WDR25: variants seen among roughly 807,000 people sequenced by gnomAD.
WDR25 encodes the protein WD repeat-containing protein 25.
In WDR25, 35 loss-of-function variants were observed where a neutral mutation model predicts 47.7. That is an observed-to-expected ratio of 0.73 (90% confidence interval 0.56 to 0.97). The LOEUF is 0.97. WDR25 is among the 50% of genes least tolerant of loss of function. The pLI, the probability that WDR25 is intolerant of heterozygous loss-of-function variation, is 0.00. For missense variants in WDR25, 634 were observed against 704.7 expected, an observed-to-expected ratio of 0.90 and a Z score of 1.14; for synonymous variants, 248 against 278.9, an observed-to-expected ratio of 0.89 and a Z score of 1.10.
chr14:100,496,299 G>A (rs1466944424), intron 4 of WDR25, among the ~76,000 whole-genome samples: 1 of 152,144 alleles, frequency 6.6e-6, no homozygotes, highest in Non-Finnish European at 1.5e-5. Flanking sequence ...TACATACACT[G>A]ATTTGTAATA....
chr14:100,475,845 A>G (rs1292140926), intron 3 of WDR25, among the ~76,000 whole-genome samples: 1 of 152,086 alleles, frequency 6.6e-6, no homozygotes, highest in East Asian at 1.9e-4. Context: ...AAATCTTTCT[A>G]CAATGTATAT....
At chr14:100,448,317 G>A (rs1898908262) in intron 2 of WDR25, among the ~76,000 whole-genome samples, 1 of 152,084 alleles carries the variant, frequency 6.6e-6, no homozygotes, top group African/African-American at 2.4e-5. Flanking sequence ...GAAAAATACT[G>A]TGGAAACTGC....
chr14:100,468,033 G>A lies in WDR25; in HGVS notation c.835G>A (p.Val279Met), dbSNP rs1381347845. ...TGTTTGCCTGCAGGTATGGAACGCC[G>A]TGGACTCCGGGCACTGCCTGCAGAC... ...MDKTFKVWNA[V>M]DSGHCLQTYS... Residue 279 changes from valine (V) to methionine (M), a missense_variant, in exon 3 of 7, where the codon GTG (valine) becomes ATG (methionine). Val to Met is a conservative substitution (Grantham distance 21, BLOSUM62 1). Transcript: ENST00000402312. This position sits in a 1 kb window ranked among gnomAD's most constrained non-coding sequence, Gnocchi z 4.5. 47 of 1,612,798 alleles carry A rather than the reference G, an allele frequency of 2.9e-5. No homozygotes were observed. Among genetic ancestry groups the A allele is most frequent in the Non-Finnish European group, 3.9e-5 (46 of 1,180,036 alleles).
At chr14:100,382,779 A>G (rs114377410) in intron 2 of WDR25, among the ~76,000 whole-genome samples, 1,930 of 152,350 alleles carry the variant, frequency 0.013, 42 homozygotes, top group African/African-American at 0.044. Flanking sequence ...CTGGCTTCAC[A>G]TCCAGCTTTG....
At chr14:100,441,138 T>C (rs1377515295) in intron 2 of WDR25, among the ~76,000 whole-genome samples, 1 of 152,126 alleles carries the variant, frequency 6.6e-6, no homozygotes, top group African/African-American at 2.4e-5. Context: ...CTGGCTTAGG[T>C]TTCCAGAACA....
chr14:100,455,062 G>A (rs1243624265), intron 2 of WDR25: 2 of 152,204 alleles, frequency 1.3e-5, no homozygotes, highest in African/African-American at 2.4e-5. Context: ...CAAGAGAAAG[G>A]CCATCAAAGG....
chr14:100,400,569 T>C (rs1897355120), intron 2 of WDR25, among the ~76,000 whole-genome samples: 1 of 152,254 alleles, frequency 6.6e-6, no homozygotes, highest in Non-Finnish European at 1.5e-5. Flanking sequence ...TTACTGTGCT[T>C]CTGGGTATCC....
At chr14:100,479,045 A>G (rs2140312312) in intron 3 of WDR25, among the ~76,000 whole-genome samples, 1 of 151,996 alleles carries the variant, frequency 6.6e-6, no homozygotes, top group East Asian at 1.9e-4. Flanking sequence ...CCTTGTGGGG[A>G]GAAAGAGTTT....
At chr14:100,493,323 A>G (rs1355366997) in intron 4 of WDR25, among the ~76,000 whole-genome samples, 1 of 151,652 alleles carries the variant, frequency 6.6e-6, no homozygotes, top group Non-Finnish European at 1.5e-5. Flanking sequence ...CCATAAATCT[A>G]CTCTGTCTGT....
chr14:100,468,182 G>A lies in WDR25; in HGVS notation c.970+14G>A, dbSNP rs2140296979. ...ACCTTGAAACAGGTGCGTTTCTTGTGTCACCTCCCTGAGGTGAGCTGGCAG... is the reference window on the plus strand; with the variant it reads ...ACCTTGAAACAGGTGCGTTTCTTGTATCACCTCCCTGAGGTGAGCTGGCAG... On this transcript the variant is annotated intron_variant, in intron 3 of 6. Coordinates refer to ENST00000402312, the MANE Select transcript of WDR25 (RefSeq NM_001161476.3). The surrounding 1 kb of genome is among the most constrained non-coding windows in gnomAD (Gnocchi z 4.5). The A allele has an allele frequency of 6.2e-7, 1 of 1,608,000 alleles. No individual in the cohort carries two copies. Among genetic ancestry groups the A allele is most frequent in the South Asian group, 1.1e-5 (1 of 90,650 alleles).
chr14:100,383,755 G>C (rs779486992), intron 2 of WDR25, among the ~76,000 whole-genome samples: 2 of 152,230 alleles, frequency 1.3e-5, no homozygotes, highest in African/African-American at 2.4e-5. Context: ...TTGTGGAGTA[G>C]ACAAATGTGC....
At chr14:100,377,640 A>T (rs1896745600) in intron 1 of WDR25, among the ~76,000 whole-genome samples, 2 of 151,092 alleles carry the variant, frequency 1.3e-5, no homozygotes, top group Non-Finnish European at 2.9e-5. Flanking sequence ...TTGCGTGTGG[A>T]AGTTGTTACC....
intron 2 of WDR25, among the ~76,000 whole-genome samples, chr14:100,414,820 C>T (rs933673636): frequency 1.3e-5 from 2 of 151,196 alleles, no homozygotes; most frequent in African/African-American, 2.4e-5. Flanking sequence ...AGGAGAATCG[C>T]GTGAACCCGG....
intron 2 of WDR25, among the ~76,000 whole-genome samples, chr14:100,443,424 T>G (rs1898728947): frequency 6.6e-6 from 1 of 151,124 alleles, no homozygotes; most frequent in Non-Finnish European, 1.5e-5. Context: ...CCTAACACCG[T>G]TTCTGTTTAT....
chr14:100,423,431 A>G (rs887698664), intron 2 of WDR25, among the ~76,000 whole-genome samples: 8 of 152,146 alleles, frequency 5.3e-5, no homozygotes, highest in African/African-American at 1.9e-4. Context: ...GACACACCTT[A>G]TTCCGATCGT....
At chr14:100,528,357 C>T (rs1595092794) in intron 5 of WDR25, among the ~76,000 whole-genome samples, 1 of 152,158 alleles carries the variant, frequency 6.6e-6, no homozygotes, top group Admixed American at 6.5e-5. Context: ...CTGCATCTCT[C>T]CAGCCCTCCA....
At chr14:100,465,833 A>G (rs545840148) in intron 2 of WDR25, among the ~76,000 whole-genome samples, 67 of 152,374 alleles carry the variant, frequency 4.4e-4, no homozygotes, top group African/African-American at 1.6e-3. Flanking sequence ...AGCAGTGGAC[A>G]AGGGTTCCAG....
intron 1 of WDR25, among the ~76,000 whole-genome samples, chr14:100,379,607 T>G (rs1896824218): frequency 6.6e-6 from 1 of 152,050 alleles, no homozygotes; most frequent in South Asian, 2.1e-4. Flanking sequence ...AGACTAGTCT[T>G]GAACTCCTGA....
chr14:100,484,486 G>C (rs534193444), intron 4 of WDR25, among the ~76,000 whole-genome samples: 2 of 151,386 alleles, frequency 1.3e-5, no homozygotes, highest in Admixed American at 1.3e-4. Context: ...GTGTGTGTGC[G>C]TGTGTGTGTG....
Sources: allele counts gnomAD v4.1 joint callset (sites outside exome capture counted in the v4.1 genomes callset), GRCh38; gene constraint gnomAD v4.1.1; non-coding constraint Gnocchi (gnomAD v3.1); transcripts MANE v1.5; gene names NCBI Gene and HGNC (gene_info 2026-07-23, HGNC 2026-07-21).